Variants in GRIN2B observed in about 807,000 individuals in gnomAD.
GRIN2B encodes glutamate ionotropic receptor NMDA type subunit 2B.
GRIN2B carries 5 observed loss-of-function variants against 114.5 expected under a neutral mutation model. The observed-to-expected ratio is 0.04, with a 90% CI of 0.02 to 0.09. The LOEUF (loss-of-function observed/expected upper bound fraction) is 0.09, where lower values mean the gene tolerates loss of function less well. GRIN2B is among the 10% of genes least tolerant of loss of function. GRIN2B has a pLI of 1.00. For synonymous variants in GRIN2B, 787 were observed against 745.1 expected, an observed-to-expected ratio of 1.06 and a Z score of -0.92; for missense variants, 1,108 against 1,943.5, an observed-to-expected ratio of 0.57 and a Z score of 8.08.
At chr12:13,867,908 A>T (rs75471057) in intron 2 of GRIN2B, among the ~76,000 whole-genome samples, 2 of 151,692 alleles carry the variant, frequency 1.3e-5, no homozygotes, top group African/African-American at 4.8e-5. Flanking sequence ...AAAAAAAAAA[A>T]TGGTGAGAGA....
Position 13,753,287 on chromosome 12 carries a change from C to A in GRIN2B, c.1010+30G>T. 1.6e-6 allele frequency: 2 copies of A among 1,243,072 alleles called. No individual in the cohort carries two copies. Among genetic ancestry groups the A allele is most frequent in the South Asian group, 2.4e-5 (2 of 83,894 alleles). 77.0% of individuals were successfully genotyped at this position (1,243,072 alleles called of 1,614,324 possible). A position where few individuals can be genotyped will look rare whatever the true frequency, so the allele number is the denominator to read the frequency against. ...CTTTGAAGCTCCCCTCTCATCTCCA[C>A]CATCAATGTGCCCTCTGTTCCACAC... On this transcript the variant is annotated intron_variant, in intron 4 of 13. Transcript: ENST00000609686. The surrounding 1 kb of genome is among the most constrained non-coding windows in gnomAD (Gnocchi z 6.2).
intron 2 of GRIN2B, among the ~76,000 whole-genome samples, chr12:13,927,197 C>G (rs1422429469): frequency 2.6e-5 from 4 of 152,120 alleles, no homozygotes; most frequent in Non-Finnish European, 5.9e-5. Context: ...GATAGCGATA[C>G]AAGATTTCAA....
intron 5 of GRIN2B, among the ~76,000 whole-genome samples, chr12:13,647,303 T>G (rs1450136784): frequency 6.6e-6 from 1 of 152,116 alleles, no homozygotes; most frequent in Non-Finnish European, 1.5e-5. Flanking sequence ...TTGGAGAACT[T>G]AAGTATGTGA....
At chr12:13,923,626 G>T (rs1866859378) in intron 2 of GRIN2B, among the ~76,000 whole-genome samples, 1 of 152,172 alleles carries the variant, frequency 6.6e-6, no homozygotes, top group Admixed American at 6.5e-5. Flanking sequence ...AGTGAATCAG[G>T]TTATCCAGGG....
intron 2 of GRIN2B, among the ~76,000 whole-genome samples, chr12:13,924,586 C>T (rs1373081515): frequency 6.6e-6 from 1 of 152,208 alleles, no homozygotes; most frequent in Non-Finnish European, 1.5e-5. Context: ...ACTGCTCTCT[C>T]CTGGCCAATG....
At chr12:13,918,617 T>C (rs1006680264) in intron 2 of GRIN2B, among the ~76,000 whole-genome samples, 9 of 152,202 alleles carry the variant, frequency 5.9e-5, no homozygotes, top group Non-Finnish European at 1.3e-4. Context: ...CCAACCCCAG[T>C]TCCCTTTCAT....
rs950526060 is a variant in GRIN2B, at chr12:13,564,694, C to T, written c.2599-55G>A. The T allele has an allele frequency of 3.4e-6, 5 of 1,465,716 alleles. No individual in the cohort carries two copies. Among genetic ancestry groups the T allele is most frequent in the Non-Finnish European group, 4.8e-6 (5 of 1,049,254 alleles). The allele number at this position is 1,465,716 out of a possible 1,614,324, so 90.8% of individuals were successfully genotyped here. A position where few individuals can be genotyped will look rare whatever the true frequency, so the allele number is the denominator to read the frequency against. On this transcript the variant is annotated intron_variant, in intron 13 of 13. Coordinates refer to ENST00000609686, the MANE Select transcript of GRIN2B (RefSeq NM_000834.5). The surrounding 1 kb of genome is among the most constrained non-coding windows in gnomAD (Gnocchi z 4.8). ...TCTCCAGAGAGGCTAGAAATGACCACAAAAAACACTCTCCCACCAATAATT... is the reference window on the plus strand; with the variant it reads ...TCTCCAGAGAGGCTAGAAATGACCATAAAAAACACTCTCCCACCAATAATT...
intron 4 of GRIN2B, among the ~76,000 whole-genome samples, chr12:13,716,795 C>T (rs1950459594): frequency 6.6e-6 from 1 of 151,830 alleles, no homozygotes; most frequent in South Asian, 2.1e-4. Context: ...CCTGTCGTGT[C>T]CACATATAGT....
intron 2 of GRIN2B, among the ~76,000 whole-genome samples, chr12:13,900,339 G>A (rs1437252551): frequency 1.3e-5 from 2 of 151,984 alleles, no homozygotes; most frequent in East Asian, 3.9e-4. Flanking sequence ...GCTGGTCATG[G>A]TGGTGGACGC....
chr12:13,586,046 A>G (rs1948918715), intron 10 of GRIN2B, among the ~76,000 whole-genome samples: 1 of 152,220 alleles, frequency 6.6e-6, no homozygotes, highest in South Asian at 2.1e-4. Flanking sequence ...GTGAAATATC[A>G]ATAACCATGT....
intron 5 of GRIN2B, among the ~76,000 whole-genome samples, chr12:13,629,600 C>G (rs1183333309): frequency 2.6e-5 from 4 of 151,856 alleles, no homozygotes; most frequent in Non-Finnish European, 5.9e-5. Flanking sequence ...CCACGTTTCA[C>G]CCTTTCTCCT....
chr12:13,763,833 A>G (rs1349205897), intron 3 of GRIN2B, among the ~76,000 whole-genome samples: 2 of 152,204 alleles, frequency 1.3e-5, no homozygotes, highest in Non-Finnish European at 2.9e-5. Context: ...GATTGGTTGC[A>G]TCCAAGTTTA....
At chr12:13,603,910 G>C (rs1360658968) in intron 10 of GRIN2B, among the ~76,000 whole-genome samples, 4 of 152,032 alleles carry the variant, frequency 2.6e-5, no homozygotes, top group African/African-American at 9.7e-5. Context: ...CAGAGTCTCG[G>C]TGTTCCTATT....
At chr12:13,585,414 C>T (rs967463911) in intron 10 of GRIN2B, among the ~76,000 whole-genome samples, 1 of 152,210 alleles carries the variant, frequency 6.6e-6, no homozygotes, top group African/African-American at 2.4e-5. Flanking sequence ...CTTACTGTCA[C>T]ATTGTGACCC....
At chr12:13,811,246 T>C (rs1309193487) in intron 3 of GRIN2B, among the ~76,000 whole-genome samples, 1 of 152,236 alleles carries the variant, frequency 6.6e-6, no homozygotes, top group Non-Finnish European at 1.5e-5. Context: ...TATTCAGAAA[T>C]GACCTAGTCT....
chr12:13,739,234 G>T (rs976829252), intron 4 of GRIN2B, among the ~76,000 whole-genome samples: 3 of 151,834 alleles, frequency 2.0e-5, no homozygotes, highest in Non-Finnish European at 2.9e-5. Flanking sequence ...TACAAAATTA[G>T]TCGGGCATGG....
chr12:13,919,744 C>A (rs1226254682), intron 2 of GRIN2B, among the ~76,000 whole-genome samples: 1 of 152,072 alleles, frequency 6.6e-6, no homozygotes, highest in Admixed American at 6.5e-5. Flanking sequence ...AAATTGGAAG[C>A]TGATGCGGGG....
intron 11 of GRIN2B, among the ~76,000 whole-genome samples, chr12:13,571,273 G>C (rs1024735626): frequency 6.6e-6 from 1 of 152,206 alleles, no homozygotes; most frequent in Non-Finnish European, 1.5e-5. Flanking sequence ...GGCTGGGACT[G>C]TGCAAGCCAA....
chr12:13,702,905 C>G (rs1438102121), intron 4 of GRIN2B, among the ~76,000 whole-genome samples: 1 of 152,136 alleles, frequency 6.6e-6, no homozygotes, highest in Non-Finnish European at 1.5e-5. Flanking sequence ...TAACTCATTG[C>G]TTACAAGTTT....
Sources: gnomAD v4.1 joint callset for allele counts (sites outside exome capture counted in the v4.1 genomes callset) on GRCh38, gnomAD v4.1.1 for gene constraint, Gnocchi (gnomAD v3.1) non-coding constraint, MANE v1.5 for transcripts, NCBI Gene and HGNC (gene_info 2026-07-23, HGNC 2026-07-21) for gene names.